The following RNLS variants were observed in gnomAD, a reference collection of about 807,000 sequenced individuals.
RNLS encodes the protein renalase, FAD dependent amine oxidase.
RNLS carries 39 observed loss-of-function variants against 39.8 expected under a neutral mutation model. The observed-to-expected ratio is 0.98, with a 90% CI of 0.76 to 1.28. The LOEUF (loss-of-function observed/expected upper bound fraction) is 1.28. Among genes scored for constraint, RNLS ranks in the 50% most tolerant of loss-of-function variants. The pLI, the probability that RNLS is intolerant of heterozygous loss-of-function variation, is 0.00. For synonymous variants in RNLS, 147 were observed against 150.7 expected (o/e 0.98, Z 0.18); for missense variants, 410 against 413.3 (o/e 0.99, Z 0.07).
intron 4 of RNLS, among the ~76,000 whole-genome samples, chr10:88,443,891 C>T (rs1472612618): frequency 1.3e-5 from 2 of 152,236 alleles, no homozygotes; most frequent in Non-Finnish European, 2.9e-5. Flanking sequence ...CTCCACCTCT[C>T]GGGGCAGGGC....
downstream of RNLS, among the ~76,000 whole-genome samples, chr10:88,282,282 G>A (rs1475183260): frequency 6.6e-6 from 1 of 152,034 alleles, no homozygotes; most frequent in Non-Finnish European, 1.5e-5. Context: ...GTTTTAATTA[G>A]CATGTTCATC....
Position 88,362,558 on chromosome 10 carries a change from T to C in RNLS, c.694A>G (p.Asn232Asp), listed in dbSNP as rs199950589. Residue 232 changes from asparagine (N) to aspartate (D), a missense_variant, in exon 5 of 7, where the codon AAT (asparagine) becomes GAT (aspartate). Coordinates refer to ENST00000331772, the MANE Select transcript of RNLS (RefSeq NM_001031709.3). ...AAATAATAGGGGTACTGACCTATAT[T>C]GCGCTTCTTATTATCAATGGAGACG... ...RFVSIDNKKR[N>D]IESSEIGPSL... The C allele has an allele frequency of 1.4e-5, 22 of 1,613,588 alleles. No individual in the cohort carries two copies. The highest frequency in any genetic ancestry group is 1.9e-5 in the Non-Finnish European group (22 of 1,179,754).
At chr10:88,581,731 ATT>A in intron 2 of RNLS, 22 bp from the exon 3 acceptor site, 1 of 1,471,352 alleles carries the variant, frequency 6.8e-7, no homozygotes, top group Non-Finnish European at 9.1e-7. Flanking sequence ...CAATATGTAT[ATT>A]TAATGTAATT....
intron 4 of RNLS, among the ~76,000 whole-genome samples, chr10:88,496,113 G>A (rs1331359390): frequency 3.3e-5 from 5 of 152,038 alleles, no homozygotes; most frequent in Admixed American, 3.3e-4. Flanking sequence ...CTTCTGGAAG[G>A]GGAGAAGTAC....
rs3740280 is a variant in RNLS at position 88,362,798 on chromosome 10, T to G, written c.527-73A>C. On this transcript the variant is annotated intron_variant, in intron 4 of 6. Coordinates refer to ENST00000331772, the MANE Select transcript of RNLS (RefSeq NM_001031709.3). ...CCTTTTAGCACATCAAATATAAAATTCCTTTAAACCAGTTACAACAGCTTC... is the reference window on the plus strand; with the variant it reads ...CCTTTTAGCACATCAAATATAAAATGCCTTTAAACCAGTTACAACAGCTTC... 6.4e-4 allele frequency: 927 copies of G among 1,445,228 alleles called. 9 individuals carry two copies. The East Asian group carries it at 0.022, about 34-fold the overall frequency. 89.5% of individuals were successfully genotyped at this position (1,445,228 alleles called of 1,614,324 possible).
intron 4 of RNLS, among the ~76,000 whole-genome samples, chr10:88,477,561 T>C (rs922780809): frequency 2.6e-5 from 4 of 152,106 alleles, no homozygotes; most frequent in Admixed American, 2.0e-4. Context: ...GAAACAAGGA[T>C]GGCAACGATG....
intron 4 of RNLS, among the ~76,000 whole-genome samples, chr10:88,519,909 T>C (rs1231591983): frequency 6.6e-6 from 1 of 151,906 alleles, no homozygotes; most frequent in Non-Finnish European, 1.5e-5. Flanking sequence ...CCACTGTAAC[T>C]TGCTGGATAC....
intron 4 of RNLS, among the ~76,000 whole-genome samples, chr10:88,367,260 T>C (rs942511806): frequency 6.6e-6 from 1 of 152,138 alleles, no homozygotes; most frequent in Non-Finnish European, 1.5e-5. Context: ...AGGTAATCAG[T>C]AATCAATTCC....
the RNLS span, among the ~76,000 whole-genome samples, chr10:88,175,850 T>C: frequency 1.3e-5 from 2 of 152,194 alleles, no homozygotes; most frequent in Non-Finnish European, 2.9e-5. Context: ...AGTCCCTCCC[T>C]GCTATTGTAT....
intron 4 of RNLS, among the ~76,000 whole-genome samples, chr10:88,475,538 TA>T (rs1285957963): frequency 6.6e-6 from 1 of 152,138 alleles, no homozygotes; most frequent in African/African-American, 2.4e-5. Flanking sequence ...TTAGCAGCAT[TA>T]AAAAACCTTT....
At chr10:88,582,331 G>A (rs1325775185) in intron 1 of RNLS, 24 bp from the exon 2 acceptor site, 1 of 1,579,918 alleles carries the variant, frequency 6.3e-7, no homozygotes, top group Non-Finnish European at 8.7e-7. Flanking sequence ...ACAGGAAAAT[G>A]TCTTACTGCA....
At chr10:88,448,104 A>T (rs1842146176) in intron 4 of RNLS, among the ~76,000 whole-genome samples, 1 of 152,254 alleles carries the variant, frequency 6.6e-6, no homozygotes, top group Admixed American at 6.5e-5. Flanking sequence ...ATGGGCAAGG[A>T]CTTCATGTTT....
chr10:88,355,680 G>C (rs1849108711), intron 5 of RNLS, among the ~76,000 whole-genome samples: 1 of 152,160 alleles, frequency 6.6e-6, no homozygotes, highest in African/African-American at 2.4e-5. Flanking sequence ...TGAGGAGGCA[G>C]TCTGTCCGTT....
the RNLS span, among the ~76,000 whole-genome samples, chr10:88,266,735 A>ACACC: frequency 1.2e-4 from 16 of 137,376 alleles, no homozygotes; most frequent in East Asian, 8.4e-4. Flanking sequence ...ACACACACAC[A>ACACC]CCCCACACAC....
intron 4 of RNLS, among the ~76,000 whole-genome samples, chr10:88,399,239 G>C (rs1852759918): frequency 6.6e-6 from 1 of 151,898 alleles, no homozygotes; most frequent in Non-Finnish European, 1.5e-5. Context: ...ATTATACATA[G>C]AGTTACCATA....
intron 4 of RNLS, among the ~76,000 whole-genome samples, chr10:88,523,161 G>T (rs367859158): frequency 1.3e-5 from 2 of 152,112 alleles, no homozygotes; most frequent in South Asian, 2.1e-4. Context: ...GATGTGAAAA[G>T]AAACTTTCAG....
rs1842222791 is a variant in RNLS, at chr10:88,449,202, AG to A, written c.527-86478del. On this transcript the variant is annotated intron_variant, in intron 4 of 6. Coordinates refer to ENST00000331772, the MANE Select transcript of RNLS (RefSeq NM_001031709.3). ...ACACAATGTTTAATTCAAACTAATA[AG>A]CACAAAATGTCCTCTGGATCTATTT... Among the ~76,000 whole-genome samples, 5 of 152,330 alleles carry A rather than the reference AG, an allele frequency of 3.3e-5. No homozygotes were observed. The South Asian group carries it at 1.0e-3, about 32-fold the overall frequency.
In RNLS at chr10:88,551,694, A is replaced by G. The variant is rs1848611458; in HGVS notation, c.526+21209T>C. Among the ~76,000 whole-genome samples, 5 of 150,402 alleles carry G rather than the reference A, an allele frequency of 3.3e-5. No homozygotes were observed. The South Asian group carries it at 1.0e-3, about 31-fold the overall frequency. On this transcript the variant is annotated intron_variant, in intron 4 of 6. Coordinates refer to ENST00000331772, the MANE Select transcript of RNLS (RefSeq NM_001031709.3). ...AAAATGACTGGTTGCAAAAAAAAAAAGAAGAAGAACACAAGCTTTGTAGTC... is the reference window on the plus strand; with the variant it reads ...AAAATGACTGGTTGCAAAAAAAAAAGGAAGAAGAACACAAGCTTTGTAGTC...
At chr10:88,244,428 G>A in the RNLS span, among the ~76,000 whole-genome samples, 2 of 152,206 alleles carry the variant, frequency 1.3e-5, no homozygotes, top group African/African-American at 4.8e-5. Context: ...TCTCCAGGAA[G>A]AGTAGCAGTA....
Sources: allele counts gnomAD v4.1 joint callset (sites outside exome capture counted in the v4.1 genomes callset), GRCh38; gene constraint gnomAD v4.1.1; transcripts MANE v1.5; gene names NCBI Gene and HGNC (gene_info 2026-07-23, HGNC 2026-07-21).